Variants in L3MBTL4 observed in about 807,000 individuals in gnomAD.
L3MBTL4 encodes lethal(3)malignant brain tumor-like protein 4.
A neutral mutation model predicts 84.5 loss-of-function variants in L3MBTL4; 70 were observed. The ratio of observed to expected loss-of-function variants is 0.83; its 90% confidence interval spans 0.68 to 1.01. The LOEUF (loss-of-function observed/expected upper bound fraction) is 1.01, where lower values mean the gene tolerates loss of function less well. L3MBTL4 is among the 50% of genes least tolerant of loss of function. L3MBTL4 has a pLI of 0.00. For missense variants in L3MBTL4, 715 were observed against 754.8 expected, an observed-to-expected ratio of 0.95 and a Z score of 0.62; for synonymous variants, 274 against 259.8, an observed-to-expected ratio of 1.05 and a Z score of -0.52.
intron 7 of L3MBTL4, among the ~76,000 whole-genome samples, chr18:6,242,348 C>T (rs1361438229): frequency 6.6e-6 from 1 of 152,186 alleles, no homozygotes; most frequent in Non-Finnish European, 1.5e-5. Flanking sequence ...ACAGAGAGGC[C>T]TTTCTCCCCC....
At chr18:6,196,437 A>T (rs181525286) in intron 12 of L3MBTL4, among the ~76,000 whole-genome samples, 2 of 152,126 alleles carry the variant, frequency 1.3e-5, no homozygotes, top group East Asian at 3.9e-4. Context: ...GATTACAGGC[A>T]TGAGCCACCG....
At chr18:6,081,788 A>G (rs1050235901) in intron 15 of L3MBTL4, among the ~76,000 whole-genome samples, 1 of 152,254 alleles carries the variant, frequency 6.6e-6, no homozygotes, top group African/African-American at 2.4e-5. Context: ...AATGACTTAC[A>G]GAATTTGAGA....
chr18:5,979,448 T>C (rs1204599780), intron 16 of L3MBTL4, among the ~76,000 whole-genome samples: 6 of 152,178 alleles, frequency 3.9e-5, no homozygotes, highest in Non-Finnish European at 8.8e-5. Context: ...AACAAGCCTG[T>C]GCTGGGCCCC....
chr18:6,116,588 T>C (rs2059368557), intron 14 of L3MBTL4, among the ~76,000 whole-genome samples: 1 of 152,006 alleles, frequency 6.6e-6, no homozygotes, highest in South Asian at 2.1e-4. Context: ...GGTCTCAAAC[T>C]CCTGACCTTA....
chr18:5,959,628 T>C (rs530782117), intron 18 of L3MBTL4, among the ~76,000 whole-genome samples: 1 of 152,208 alleles, frequency 6.6e-6, no homozygotes, highest in South Asian at 2.1e-4. Flanking sequence ...CATGCTGACT[T>C]TGGAGTAGAC....
At chr18:6,161,198 G>T (rs1240856550) in intron 13 of L3MBTL4, among the ~76,000 whole-genome samples, 4 of 152,186 alleles carry the variant, frequency 2.6e-5, no homozygotes, top group African/African-American at 9.7e-5. Context: ...GTCAAATAAA[G>T]CAGACAAATC....
intron 1 of L3MBTL4, among the ~76,000 whole-genome samples, chr18:6,317,120 T>C (rs1048199333): frequency 2.0e-5 from 3 of 152,178 alleles, no homozygotes; most frequent in Non-Finnish European, 2.9e-5. Context: ...ACTGAGCACA[T>C]TGTTACTACA....
intron 16 of L3MBTL4, among the ~76,000 whole-genome samples, chr18:6,078,139 G>GGA (rs1415666237): frequency 6.8e-6 from 1 of 147,736 alleles, no homozygotes; most frequent in East Asian, 2.1e-4. Context: ...AGCTGGCAGG[G>GGA]GAAAAGGCTG....
At chr18:6,021,456 AAG>A (rs1201161522) in intron 16 of L3MBTL4, among the ~76,000 whole-genome samples, 1 of 152,218 alleles carries the variant, frequency 6.6e-6, no homozygotes, top group Non-Finnish European at 1.5e-5. Flanking sequence ...GAAGGTGACA[AAG>A]AGCTAAGACC....
intron 13 of L3MBTL4, among the ~76,000 whole-genome samples, chr18:6,160,558 C>T (rs2043287848): frequency 6.6e-6 from 1 of 151,996 alleles, no homozygotes; most frequent in Non-Finnish European, 1.5e-5. Flanking sequence ...ATGGTGAAAC[C>T]CAGTCTCTAC....
Position 6,329,343 on chromosome 18 carries a change from C to T in L3MBTL4, c.-90-17287G>A, listed in dbSNP as rs538062193. On this transcript the variant is annotated intron_variant, in intron 1 of 18. Transcript: ENST00000317931. ...TAATTTTTTGTATTTTTAGTAGAGA[C>T]GGGGTTTCATCCTGTTAGCCAGGAT... Among the ~76,000 whole-genome samples the T allele has an allele frequency of 5.3e-5, 8 of 151,616 alleles. No homozygotes were observed. In the East Asian group the frequency reaches 5.9e-4, roughly 11 times the overall value.
At chr18:6,191,500 T>C (rs2045085935) in intron 12 of L3MBTL4, among the ~76,000 whole-genome samples, 1 of 152,144 alleles carries the variant, frequency 6.6e-6, no homozygotes, top group Non-Finnish European at 1.5e-5. Context: ...TCAGTCAAAC[T>C]TTGGACATGT....
chr18:6,226,131 G>C (rs1274518238), intron 10 of L3MBTL4, among the ~76,000 whole-genome samples: 1 of 147,116 alleles, frequency 6.8e-6, no homozygotes. Context: ...ATGTCCGCCA[G>C]ATGTGGTGGC....
intron 16 of L3MBTL4, among the ~76,000 whole-genome samples, chr18:6,033,209 A>G (rs2055924947): frequency 6.6e-6 from 1 of 152,188 alleles, no homozygotes; most frequent in Non-Finnish European, 1.5e-5. Context: ...TTGTGGTATT[A>G]AATATTTTAT....
chr18:6,244,974 A>C (rs2047597370), intron 5 of L3MBTL4, among the ~76,000 whole-genome samples: 1 of 152,182 alleles, frequency 6.6e-6, no homozygotes. Context: ...TATTGGCACG[A>C]TCTTGGCTCA....
intron 1 of L3MBTL4, among the ~76,000 whole-genome samples, chr18:6,315,076 A>G (rs1182833353): frequency 6.6e-6 from 1 of 152,240 alleles, no homozygotes; most frequent in East Asian, 1.9e-4. Context: ...TAAGAAATGT[A>G]ATACATGCCA....
chr18:6,225,503 T>C (rs2046742855), intron 10 of L3MBTL4, among the ~76,000 whole-genome samples: 1 of 152,184 alleles, frequency 6.6e-6, no homozygotes, highest in African/African-American at 2.4e-5. Context: ...CTTACACCTA[T>C]AATCCCAGCA....
chr18:6,017,574 C>A (rs2055052053), intron 16 of L3MBTL4: 1 of 152,248 alleles, frequency 6.6e-6, no homozygotes, highest in South Asian at 2.1e-4. Flanking sequence ...GGCCCCTGCC[C>A]TTGACGACTG....
chr18:6,145,978 G>A (rs73938771), intron 13 of L3MBTL4, among the ~76,000 whole-genome samples: 1,951 of 152,298 alleles, frequency 0.013, 36 homozygotes, highest in African/African-American at 0.042. Context: ...GGGGACGTGG[G>A]GAGATTTTTA....
Sources: allele counts gnomAD v4.1 joint callset (sites outside exome capture counted in the v4.1 genomes callset), GRCh38; gene constraint gnomAD v4.1.1; transcripts MANE v1.5; gene names NCBI Gene and HGNC (gene_info 2026-07-23, HGNC 2026-07-21).